FLNC: variants seen among roughly 807,000 people sequenced by gnomAD.
The protein encoded by FLNC is filamin-C.
FLNC carries 91 observed loss-of-function variants against 254.3 expected under a neutral mutation model. That is an observed-to-expected ratio of 0.36 (90% CI 0.30 to 0.43). The LOEUF (loss-of-function observed/expected upper bound fraction) is 0.43. Ranked by LOEUF, FLNC falls within the 20% of genes least tolerant of loss-of-function variation. The probability of loss-of-function intolerance (pLI) is 1.00; values close to 1 mark genes in which losing one functional copy is unlikely to be tolerated. For missense variants in FLNC, 2,853 were observed against 3,802.6 expected (o/e 0.75, Z 6.57); for synonymous variants, 1,430 against 1,577.2 (o/e 0.91, Z 2.21).
rs1425396629 is a variant in FLNC at position 128,857,998 on chromosome 7, C to T, written c.7781-10C>T. On this transcript the variant is annotated splice_polypyrimidine_tract_variant and intron_variant, in intron 46 of 47. Transcript: ENST00000325888. The surrounding 1 kb of genome is among the most constrained non-coding windows in gnomAD (Gnocchi z 4.5). Reference sequence around the variant, plus strand: ...TGACTAGGTTTGTGCCCCCTCCACCCACCCCTCAGGTCCGAGGCTGTCCGG... The same window carrying T: ...TGACTAGGTTTGTGCCCCCTCCACCTACCCCTCAGGTCCGAGGCTGTCCGG... 10 of 1,500,982 alleles carry T rather than the reference C, an allele frequency of 6.7e-6. No homozygotes were observed. The Admixed American group carries it at 1.8e-4, about 27-fold the overall frequency. 93.0% of individuals were successfully genotyped at this position (1,500,982 alleles called of 1,614,324 possible). A position where few individuals can be genotyped will look rare whatever the true frequency, so the allele number is the denominator to read the frequency against.
rs372747855 is a variant in FLNC, at chr7:128,837,633, G to A, written c.851-4G>A. 55 of 1,612,420 alleles carry A rather than the reference G, an allele frequency of 3.4e-5. No homozygotes were observed. The highest frequency in any genetic ancestry group is 1.6e-4 in the African/African-American group (12 of 74,942). On this transcript the variant is annotated splice_polypyrimidine_tract_variant and splice_region_variant and intron_variant, in intron 4 of 47. Coordinates refer to ENST00000325888, the MANE Select transcript of FLNC (RefSeq NM_001458.5). ...GTAACCTGGGCTCTGCTCCTGCCCC[G>A]TAGGCATCGAGCCACAGGGCAACAC...
chr7:128,830,530 AGCAGC>A lies in FLNC; in HGVS notation c.-96_-92del, dbSNP rs1219141349. The A allele has an allele frequency of 1.1e-6, 1 of 935,566 alleles. No homozygotes were observed. The highest frequency in any genetic ancestry group is 1.7e-6 in the Non-Finnish European group (1 of 602,730). 58.0% of individuals were successfully genotyped at this position (935,566 alleles called of 1,614,324 possible). A position where few individuals can be genotyped will look rare whatever the true frequency, so the allele number is the denominator to read the frequency against. ...CGGCGCGAGAGAAGTTGGAGAGGAG[AGCAGC>A]GCAGCGCAGCGAGTCCCGTGGTCGC... On this transcript the variant is annotated 5_prime_UTR_variant, in exon 1 of 48. Transcript: ENST00000325888.
intron 33 of FLNC, 28 bp downstream of exon 33, chr7:128,850,971 G>T: frequency 6.2e-7 from 1 of 1,612,466 alleles, no homozygotes; most frequent in Non-Finnish European, 8.5e-7. Flanking sequence ...CTGGGCTGGG[G>T]CTTGGGTGAG....
rs1272329612 is a variant in FLNC, at chr7:128,844,724, A to C, written c.3259A>C (p.Thr1087Pro). The C allele has an allele frequency of 1.9e-6, 3 of 1,613,854 alleles. No individual in the cohort carries two copies. The highest frequency in any genetic ancestry group is 2.5e-6 in the Non-Finnish European group (3 of 1,180,004). Reference sequence around the variant, plus strand: ...CACCCCCGCGCCATTCTCCATCGACACCAAGGGGGCTGGCACAGGTGGCCT... The same window carrying C: ...CACCCCCGCGCCATTCTCCATCGACCCCAAGGGGGCTGGCACAGGTGGCCT... ...VGTPAPFSID[T>P]KGAGTGGLGL... The change falls in exon 21 of 48, where the codon ACC becomes CCC. Residue 1087 changes from threonine (T) to proline (P), a missense_variant. Around this residue, in one of 10 missense-constraint regions of FLNC, gnomAD observed 1,573 missense variants for 1,883.5 expected, o/e 0.84. Transcript: ENST00000325888.
chr7:128,842,137 G>T lies in FLNC; in HGVS notation c.2122-94G>T. 2.3e-6 allele frequency: 3 copies of T among 1,325,096 alleles called. No homozygotes were observed. The highest frequency in any genetic ancestry group is 1.1e-6 in the Non-Finnish European group (1 of 943,478). The allele number at this position is 1,325,096 out of a possible 1,614,324, so 82.1% of individuals were successfully genotyped here. On this transcript the variant is annotated intron_variant, in intron 13 of 47. Transcript: ENST00000325888. This position sits in a 1 kb window ranked among gnomAD's most constrained non-coding sequence, Gnocchi z 5.4. ...TGTGGGGGCGGGAGTGCCAGTGTTG[G>T]GGGTGGGAAAGGAGGCGCTGGGTTC...
rs759805319 is a variant in FLNC, at chr7:128,838,294, A to G, written c.1075A>G (p.Ile359Val). The G allele has an allele frequency of 6.2e-7, 1 of 1,614,058 alleles. No individual in the cohort carries two copies. The highest frequency in any genetic ancestry group is 8.5e-7 in the Non-Finnish European group (1 of 1,180,014). Residue 359 changes from isoleucine to valine, a missense_variant, in exon 7 of 48, where the codon ATT (isoleucine) becomes GTT (valine). Transcript: ENST00000325888. ...KVTVLFAGQNIERSPFEVNVG... is the reference protein window; with the variant it reads ...KVTVLFAGQNVERSPFEVNVG... The stretch of plus-strand genomic sequence containing the variant: ...GACCGTGCTCTTTGCTGGCCAGAAC[A>G]TTGAACGCAGTCCCTTTGAGGTGAA...
rs867440378 is a variant in FLNC at position 128,843,463 on chromosome 7, G to A, written c.2697G>A (p.Lys899=). The A allele has an allele frequency of 1.2e-6, 2 of 1,614,142 alleles. No individual in the cohort carries two copies. The highest frequency in any genetic ancestry group is 3.3e-4 in the Middle Eastern group (2 of 6,062). The change falls in exon 18 of 48, where the codon AAG becomes AAA. Residue 899 remains lysine (K), a synonymous_variant. Coordinates refer to ENST00000325888, the MANE Select transcript of FLNC (RefSeq NM_001458.5). ...CGGTGCTGACCAAGGGAGCCGGCAAGGCCAAGCTGGATGTGCAGTTTGCAG... is the reference window on the plus strand; with the variant it reads ...CGGTGCTGACCAAGGGAGCCGGCAAAGCCAAGCTGGATGTGCAGTTTGCAG... The part of the protein sequence containing the change: ...HFTVLTKGAG[K]AKLDVQFAGT...
chr7:128,845,286 A>C, intron 21 of FLNC, 31 bp downstream of exon 21: 2 of 1,570,226 alleles, frequency 1.3e-6, no homozygotes, highest in Non-Finnish European at 1.7e-6. Context: ...AAGAAAGGTC[A>C]AGTGGCAGGT....
Position 128,852,594 on chromosome 7 carries a change from A to G in FLNC, c.5846A>G (p.Asp1949Gly). ...GSPFTAKITGDDSMRTSQLNV... is the reference protein window; with the variant it reads ...GSPFTAKITGGDSMRTSQLNV... ...GATGCCCCAACTCCCCCACCAGGTG[A>G]TGACTCCATGAGGACCTCACAGCTG... Residue 1949 changes from aspartate to glycine, a missense_variant, in exon 36 of 48, where the codon GAT becomes GGT. This residue lies in a region of FLNC where 551 missense variants were observed against 835.0 expected (regional missense o/e 0.66). Coordinates refer to ENST00000325888, the MANE Select transcript of FLNC (RefSeq NM_001458.5). 1 of 1,613,182 alleles carries G rather than the reference A, an allele frequency of 6.2e-7. No individual in the cohort carries two copies. The highest frequency in any genetic ancestry group is 8.5e-7 in the Non-Finnish European group (1 of 1,179,990).
Position 128,854,739 on chromosome 7 carries a change from G to C in FLNC, c.6998-36G>C, listed in dbSNP as rs199778390. 86 of 1,613,424 alleles carry C rather than the reference G, an allele frequency of 5.3e-5. No individual in the cohort carries two copies. The East Asian group carries it at 1.9e-3, about 36-fold the overall frequency. ...AGTCAGGGCAGCCAGTGTGAGGGGC[G>C]ATGATGCTGAAGTCCACTACCTTGC... On this transcript the variant is annotated intron_variant, in intron 41 of 47. Coordinates refer to ENST00000325888, the MANE Select transcript of FLNC (RefSeq NM_001458.5).
intron 21 of FLNC, 49 bp downstream of exon 21, chr7:128,845,304 C>G (rs912978705): frequency 4.8e-6 from 7 of 1,470,428 alleles, no homozygotes; most frequent in Admixed American, 1.7e-5. Context: ...GGTGCAGGAG[C>G]TGGGTAGTCC....
Position 128,847,789 on chromosome 7 carries a change from G to A in FLNC, c.4381G>A (p.Val1461Ile). 2 of 1,613,796 alleles carry A rather than the reference G, an allele frequency of 1.2e-6. No homozygotes were observed. Among genetic ancestry groups the A allele is most frequent in the Non-Finnish European group, 8.5e-7 (1 of 1,179,796 alleles). Residue 1461 changes from valine (V) to isoleucine (I), a missense_variant, in exon 25 of 48, where the codon GTT becomes ATT. Coordinates refer to ENST00000325888, the MANE Select transcript of FLNC (RefSeq NM_001458.5). ...PGLGAGVRAR[V>I]PQTFTVDCSQ... Reference sequence around the variant, plus strand: ...GCTGGGGGCTGGTGTCAGGGCCCGGGTTCCTCAGACCTTCACAGTGGATTG... The same window carrying A: ...GCTGGGGGCTGGTGTCAGGGCCCGGATTCCTCAGACCTTCACAGTGGATTG...
At position 128,837,646 on chromosome 7, in the gene FLNC, C is replaced by T. The variant is rs1484676642; in HGVS notation, c.860C>T (p.Pro287Leu). ...KAIAYGPGIEPQGNTVLQPAH... is the reference protein window; with the variant it reads ...KAIAYGPGIELQGNTVLQPAH... ...TGCTCCTGCCCCGTAGGCATCGAGC[C>T]ACAGGGCAACACCGTGCTGCAGCCT... The change falls in exon 5 of 48, where the codon CCA (proline) becomes CTA (leucine). Residue 287 changes from proline to leucine, a missense_variant. Transcript: ENST00000325888. 2 of 1,612,716 alleles carry T rather than the reference C, an allele frequency of 1.2e-6. No homozygotes were observed. The highest frequency in any genetic ancestry group is 1.7e-6 in the Non-Finnish European group (2 of 1,180,010).
rs1381739439 is a variant in FLNC at position 128,857,265 on chromosome 7, A to G, written c.7709A>G (p.Asn2570Ser). 16 of 1,614,074 alleles carry G rather than the reference A, an allele frequency of 9.9e-6. No homozygotes were observed. Among genetic ancestry groups the G allele is most frequent in the East Asian group, 2.2e-5 (1 of 44,878 alleles). ...VVTYTPMAPG[N>S]YLIAIKYGGP... ...ACTTATACTCCCATGGCCCCTGGCAACTACCTCATTGCCATCAAGTACGGT... is the reference window on the plus strand; with the variant it reads ...ACTTATACTCCCATGGCCCCTGGCAGCTACCTCATTGCCATCAAGTACGGT... Residue 2570 changes from asparagine (N) to serine (S), a missense_variant, in exon 46 of 48, where the codon AAC (asparagine) becomes AGC (serine). Physicochemically the swap from Asn to Ser is conservative, Grantham distance 46. Coordinates refer to ENST00000325888, the MANE Select transcript of FLNC (RefSeq NM_001458.5). The surrounding 1 kb of genome is among the most constrained non-coding windows in gnomAD (Gnocchi z 4.5).
rs947174901 is a variant in FLNC, at chr7:128,844,056, C to T, written c.2982C>T (p.Gly994=). 13 of 1,613,926 alleles carry T rather than the reference C, an allele frequency of 8.1e-6. No homozygotes were observed. The highest frequency in any genetic ancestry group is 2.7e-5 in the African/African-American group (2 of 74,922). Residue 994 remains glycine (G), a synonymous_variant, in exon 20 of 48, where the codon GGC becomes GGT. Transcript: ENST00000325888. ...QAFSVNTRGA[G]GQGQLDVRMT... ...TCTCTGTGAACACACGAGGGGCTGGCGGTCAGGGCCAACTGGATGTGCGGA... is the reference window on the plus strand; with the variant it reads ...TCTCTGTGAACACACGAGGGGCTGGTGGTCAGGGCCAACTGGATGTGCGGA...
rs1057161787 is a variant in FLNC, at chr7:128,854,462, C to A, written c.6777C>A (p.Gly2259=). Residue 2259 remains glycine (G), a synonymous_variant, in exon 41 of 48, where the codon GGC becomes GGA. Transcript: ENST00000325888. ...DMTAQVTSPS[G]KVEAAEIVEG... ...CTGCACAGGTGACCAGCCCATCGGGCAAGGTGGAAGCCGCAGAGATCGTCG... is the reference window on the plus strand; with the variant it reads ...CTGCACAGGTGACCAGCCCATCGGGAAAGGTGGAAGCCGCAGAGATCGTCG... 8 of 1,609,236 alleles carry A rather than the reference C, an allele frequency of 5.0e-6. No individual in the cohort carries two copies. In the East Asian group the frequency reaches 1.6e-4, roughly 31 times the overall value.
At position 128,843,843 on chromosome 7, in the gene FLNC, G is replaced by A. The variant is rs1374950118; in HGVS notation, c.2859G>A (p.Lys953=). ...TVTYGGDPVP[K]SPFVVNVAPP... ...CTTATGGCGGGGACCCTGTCCCCAAGAGCCCCTTTGTGGTGAATGTGGCAC... is the reference window on the plus strand; with the variant it reads ...CTTATGGCGGGGACCCTGTCCCCAAAAGCCCCTTTGTGGTGAATGTGGCAC... The change falls in exon 19 of 48, where the codon AAG becomes AAA. Residue 953 remains lysine (K), a synonymous_variant. Transcript: ENST00000325888. The A allele has an allele frequency of 3.1e-6, 5 of 1,613,654 alleles. No individual in the cohort carries two copies. Among genetic ancestry groups the A allele is most frequent in the Non-Finnish European group, 4.2e-6 (5 of 1,180,038 alleles).
chr7:128,843,569 G>C lies in FLNC; in HGVS notation c.2803G>C (p.Val935Leu). 1 of 1,613,800 alleles carries C rather than the reference G, an allele frequency of 6.2e-7. No individual in the cohort carries two copies. The highest frequency in any genetic ancestry group is 1.3e-5 in the African/African-American group (1 of 75,046). ...DYSYTVKYTA[V>L]QQGNMAVTVT... ...CTCCTACACTGTCAAGTACACCGCT[G>C]TCCAGCAGGTGCGCTCTGCCCCTCC... is the stretch of plus-strand genomic sequence containing the variant. The change falls in exon 18 of 48, where the codon GTC (valine) becomes CTC (leucine). Residue 935 changes from valine (V) to leucine (L), a missense_variant. Physicochemically the swap from Val to Leu is conservative, Grantham distance 32. This residue lies in a region of FLNC where 1,573 missense variants were observed against 1,883.5 expected (regional missense o/e 0.84). Coordinates refer to ENST00000325888, the MANE Select transcript of FLNC (RefSeq NM_001458.5).
In FLNC at chr7:128,854,415, G is replaced by A. The variant is rs1340208212; in HGVS notation, c.6730G>A (p.Glu2244Lys). The A allele has an allele frequency of 6.2e-7, 1 of 1,609,960 alleles. No homozygotes were observed. The highest frequency in any genetic ancestry group is 8.5e-7 in the Non-Finnish European group (1 of 1,178,606). ...FGSITRQQEG[E>K]ASSQDMTAQV... ...CTGACATCCCCCAAACCCTGCAGGT[G>A]AGGCCAGCTCTCAGGACATGACTGC... Residue 2244 changes from glutamate (E) to lysine (K), a missense_variant and splice_region_variant, in exon 41 of 48, where the codon GAG becomes AAG. Glu to Lys is a moderately conservative substitution (Grantham distance 56). Transcript: ENST00000325888.
Sources: allele counts gnomAD v4.1 joint callset, GRCh38; gene constraint gnomAD v4.1.1; regional missense constraint gnomAD v4.1.1; non-coding constraint Gnocchi (gnomAD v3.1); transcripts MANE v1.5; gene names NCBI Gene and HGNC (gene_info 2026-07-23, HGNC 2026-07-21).